The following DLC1 variants were observed in gnomAD, a reference collection of about 807,000 sequenced individuals.
DLC1 encodes the protein rho GTPase-activating protein 7.
Under a neutral mutation model 140.3 loss-of-function variants are expected in DLC1, and 54 were observed. That is an observed-to-expected ratio of 0.38 (90% CI 0.31 to 0.48). The LOEUF is 0.48. DLC1 is among the 20% of genes least tolerant of loss of function. The probability of loss-of-function intolerance (pLI) is 0.96; values close to 1 mark genes in which losing one functional copy is unlikely to be tolerated. For synonymous variants in DLC1, 986 were observed against 728.1 expected (o/e 1.35, Z -5.70); for missense variants, 2,536 against 1,907.0 (o/e 1.33, Z -6.14).
At chr8:13,371,729 C>T (rs996551422) in intron 4 of DLC1, among the ~76,000 whole-genome samples, 14 of 152,132 alleles carry the variant, frequency 9.2e-5, no homozygotes, top group Admixed American at 5.9e-4. Context: ...GGTGCTGTCC[C>T]ACTCCAGGCT....
chr8:13,535,669 T>TAAA (rs55970525), intron 1 of DLC1, among the ~76,000 whole-genome samples: 1,644 of 114,512 alleles, frequency 0.014, 72 homozygotes, highest in African/African-American at 0.052. Context: ...CATTGCTCAT[T>TAAA]AAAAAAAAAA....
intron 4 of DLC1, among the ~76,000 whole-genome samples, chr8:13,319,819 C>CTTTT (rs547737556): frequency 0.014 from 1,065 of 75,860 alleles, 181 homozygotes; most frequent in East Asian, 0.041. Context: ...TTCTCTCTCT[C>CTTTT]TCTTTTTTTT....
intron 5 of DLC1, among the ~76,000 whole-genome samples, chr8:13,199,771 G>C (rs865820566): frequency 1.3e-5 from 2 of 152,098 alleles, no homozygotes; most frequent in South Asian, 4.2e-4. Context: ...ATAAGTTTTA[G>C]AGCATGAGTT....
intron 3 of DLC1, among the ~76,000 whole-genome samples, chr8:13,394,303 C>T (rs1464348651): frequency 1.4e-4 from 21 of 152,168 alleles, no homozygotes; most frequent in Non-Finnish European, 2.8e-4. Flanking sequence ...TGATAGTAGA[C>T]ACTCATGGAG....
intron 5 of DLC1, among the ~76,000 whole-genome samples, chr8:13,195,044 A>G (rs1267459367): frequency 6.6e-6 from 1 of 152,186 alleles, no homozygotes; most frequent in Non-Finnish European, 1.5e-5. Context: ...TAGAAAAACC[A>G]AACTCTCCTT....
At chr8:13,176,322 T>C (rs112276179) in intron 5 of DLC1, among the ~76,000 whole-genome samples, 17,286 of 152,238 alleles carry the variant, frequency 0.11, 1,061 homozygotes, top group South Asian at 0.16. Context: ...TTCACTCCTG[T>C]AATCCCAGCA....
At chr8:13,468,867 C>A (rs906917039) in intron 2 of DLC1, among the ~76,000 whole-genome samples, 4 of 123,842 alleles carry the variant, frequency 3.2e-5, no homozygotes, top group Non-Finnish European at 6.3e-5. Context: ...TGTTGCCAGG[C>A]TGGAGTGCAG....
At chr8:13,147,064 G>C (rs1399451304) in intron 5 of DLC1, among the ~76,000 whole-genome samples, 2 of 152,130 alleles carry the variant, frequency 1.3e-5, no homozygotes, top group Non-Finnish European at 2.9e-5. Flanking sequence ...TTCTTCATTT[G>C]CCCTGGTTTG....
chr8:13,096,357 AG>A (rs1818498999), intron 10 of DLC1, among the ~76,000 whole-genome samples: 1 of 152,218 alleles, frequency 6.6e-6, no homozygotes, highest in African/African-American at 2.4e-5. Context: ...CTAAGCACAG[AG>A]GAACTCCAGA....
intron 5 of DLC1, among the ~76,000 whole-genome samples, chr8:13,126,850 A>G (rs1209464165): frequency 1.3e-5 from 2 of 152,374 alleles, no homozygotes; most frequent in African/African-American, 2.4e-5. Context: ...AAATTGCAAC[A>G]CTGTAAAACC....
chr8:13,575,557 G>A (rs1368171207), intron 1 of DLC1, among the ~76,000 whole-genome samples: 1 of 152,114 alleles, frequency 6.6e-6, no homozygotes, highest in African/African-American at 2.4e-5. Context: ...TGGGGCAGAA[G>A]AGTGGGGCTT....
chr8:13,588,532 G>A (rs900070), intron 1 of DLC1, among the ~76,000 whole-genome samples: 82,737 of 151,834 alleles, frequency 0.54, 23,655 homozygotes, highest in African/African-American at 0.72. Flanking sequence ...AAGAATTATA[G>A]CCTGGGGGTA....
intron 1 of DLC1, chr8:13,568,361 A>G (rs1277664887): frequency 1.1e-5 from 2 of 179,992 alleles, no homozygotes; most frequent in African/African-American, 4.8e-5. Flanking sequence ...GAAGAGGACT[A>G]TGTTTGATGG....
At chr8:13,351,928 T>C (rs1024903307) in intron 4 of DLC1, among the ~76,000 whole-genome samples, 14 of 152,238 alleles carry the variant, frequency 9.2e-5, no homozygotes, top group African/African-American at 3.4e-4. Context: ...GAGACGGTGT[T>C]TCACCATGTT....
At chr8:13,315,394 T>A (rs1832827254) in intron 4 of DLC1, among the ~76,000 whole-genome samples, 1 of 152,248 alleles carries the variant, frequency 6.6e-6, no homozygotes, top group Admixed American at 6.5e-5. Flanking sequence ...AACATTGAGA[T>A]GTCTATAAAC....
chr8:13,100,903 A>ATTTT, intron 8 of DLC1, 133 bp from the exon 9 acceptor site: 21 of 762,392 alleles, frequency 2.8e-5, no homozygotes, highest in South Asian at 3.5e-5. Context: ...TTAATTTTAA[A>ATTTT]GTTTTTTTTT....
intron 4 of DLC1, among the ~76,000 whole-genome samples, chr8:13,374,757 G>A (rs1586230677): frequency 6.6e-6 from 1 of 152,156 alleles, no homozygotes; most frequent in African/African-American, 2.4e-5. Context: ...ACTCCAGTCT[G>A]GGTGACAGAG....
At chr8:13,535,865 C>G (rs1803261345) in intron 1 of DLC1, among the ~76,000 whole-genome samples, 2 of 151,838 alleles carry the variant, frequency 1.3e-5, no homozygotes, top group African/African-American at 4.8e-5. Context: ...TATATAGTTC[C>G]TTTTCAGTCT....
chr8:13,439,281 G>A (rs1400067643), intron 2 of DLC1, among the ~76,000 whole-genome samples: 1 of 152,008 alleles, frequency 6.6e-6, no homozygotes, highest in Non-Finnish European at 1.5e-5. Context: ...CAGAGATTGT[G>A]CCACTGCACT....
Sources: allele counts gnomAD v4.1 joint callset (sites outside exome capture counted in the v4.1 genomes callset), GRCh38; gene constraint gnomAD v4.1.1; transcripts MANE v1.5; gene names NCBI Gene and HGNC (gene_info 2026-07-23, HGNC 2026-07-21).